LMBRD1: variants seen among roughly 807,000 people sequenced by gnomAD.
LMBRD1 encodes the protein lysosomal cobalamin transport escort protein LMBD1.
LMBRD1 carries 64 observed loss-of-function variants against 74.8 expected under a neutral mutation model. That is an observed-to-expected ratio of 0.86 (90% CI 0.70 to 1.05). LMBRD1 has a LOEUF of 1.05. Ranked by LOEUF, LMBRD1 falls within the 50% of genes least tolerant of loss-of-function variation. The pLI, the probability that LMBRD1 is intolerant of heterozygous loss-of-function variation, is 0.00. For missense variants in LMBRD1, 652 were observed against 645.9 expected, an observed-to-expected ratio of 1.01 and a Z score of -0.10; for synonymous variants, 204 against 216.3, an observed-to-expected ratio of 0.94 and a Z score of 0.50.
chr6:69,689,173 A>G (rs9364048), intron 14 of LMBRD1, among the ~76,000 whole-genome samples: 17,910 of 152,118 alleles, frequency 0.12, 1,704 homozygotes, highest in East Asian at 0.5. Context: ...AAGAAGTTCA[A>G]TCTAAGAATG....
At chr6:69,789,207 C>A (rs1215521903) in intron 2 of LMBRD1, among the ~76,000 whole-genome samples, 1 of 152,128 alleles carries the variant, frequency 6.6e-6, no homozygotes, top group Non-Finnish European at 1.5e-5. Context: ...TTAAACCTAA[C>A]TACAAAAATA....
chr6:69,723,086 G>A (rs1766652148), intron 7 of LMBRD1, among the ~76,000 whole-genome samples: 1 of 152,086 alleles, frequency 6.6e-6, no homozygotes, highest in Admixed American at 6.5e-5. Context: ...AGACAAAGAA[G>A]ATCATTATAT....
At chr6:69,728,321 C>A (rs1027220729) in intron 7 of LMBRD1, among the ~76,000 whole-genome samples, 3 of 152,146 alleles carry the variant, frequency 2.0e-5, no homozygotes, top group Admixed American at 2.0e-4. Flanking sequence ...CGCCGACACT[C>A]GGGATCACAA....
At chr6:69,728,011 A>C (rs1766772671) in intron 7 of LMBRD1, among the ~76,000 whole-genome samples, 1 of 152,198 alleles carries the variant, frequency 6.6e-6, no homozygotes, top group South Asian at 2.1e-4. Context: ...TGCTATAAAG[A>C]ACTACCTGAG....
chr6:69,699,221 G>C (rs1429882835), intron 12 of LMBRD1, 29 bp from the exon 13 acceptor site: 1 of 1,585,858 alleles, frequency 6.3e-7, no homozygotes, highest in East Asian at 2.2e-5. Flanking sequence ...CAAAATTTCA[G>C]CAATATATTT....
At chr6:69,727,501 C>G (rs534201968) in intron 7 of LMBRD1, among the ~76,000 whole-genome samples, 32 of 152,170 alleles carry the variant, frequency 2.1e-4, no homozygotes, top group Non-Finnish European at 4.4e-4. Flanking sequence ...TGTATACTTT[C>G]AAAATGTATA....
rs531752682 is a variant in LMBRD1 at position 69,691,238 on chromosome 6, A to G, written c.1417+6325T>C. 2.9e-5 allele frequency among the ~76,000 whole-genome samples: 4 copies of G among 137,300 alleles called. No homozygotes were observed. In the East Asian group the frequency reaches 6.0e-4, roughly 21 times the overall value. The allele number at this position is 137,300 out of a possible 152,430, so 90.1% of individuals were successfully genotyped here. ...CAAAACACAAAAATGTTAAATGTTGAAAAAAAAAAAACTGGAATCCAGACA... is the reference window on the plus strand; with the variant it reads ...CAAAACACAAAAATGTTAAATGTTGGAAAAAAAAAAACTGGAATCCAGACA... On this transcript the variant is annotated intron_variant, in intron 14 of 15. Transcript: ENST00000649934.
At chr6:69,712,620 A>G (rs1348943554) in intron 9 of LMBRD1, among the ~76,000 whole-genome samples, 1 of 152,150 alleles carries the variant, frequency 6.6e-6, no homozygotes, top group African/African-American at 2.4e-5. Flanking sequence ...GCTAAGTGAA[A>G]TAAGTCAGGC....
chr6:69,682,298 A>T (rs1314207982), intron 14 of LMBRD1, among the ~76,000 whole-genome samples: 3 of 151,916 alleles, frequency 2.0e-5, no homozygotes, highest in Non-Finnish European at 4.4e-5. Flanking sequence ...ATTTTGAAGG[A>T]CACAGTTTTC....
At chr6:69,710,263 C>T (rs1477699498) in intron 9 of LMBRD1, among the ~76,000 whole-genome samples, 1 of 151,614 alleles carries the variant, frequency 6.6e-6, no homozygotes, top group Non-Finnish European at 1.5e-5. Flanking sequence ...AAAGGATAGT[C>T]TTGAAAAAAA....
chr6:69,729,541 A>G (rs1397323494), intron 7 of LMBRD1, among the ~76,000 whole-genome samples: 1 of 152,008 alleles, frequency 6.6e-6, no homozygotes, highest in East Asian at 1.9e-4. Flanking sequence ...AATTTCTCCA[A>G]GAAGATAATA....
chr6:69,752,251 A>G lies in LMBRD1; in HGVS notation c.405+8T>C, dbSNP rs375415974. On this transcript the variant is annotated splice_region_variant and intron_variant, in intron 4 of 15. Coordinates refer to ENST00000649934, the MANE Select transcript of LMBRD1 (RefSeq NM_018368.4). Reference sequence around the variant, plus strand: ...CTAAACTAAGGCCTCTAAAATAAAGATACTTACAGTACATTTACTAGTATC... The same window carrying G: ...CTAAACTAAGGCCTCTAAAATAAAGGTACTTACAGTACATTTACTAGTATC... 257 of 1,606,076 alleles carry G rather than the reference A, an allele frequency of 1.6e-4. No homozygotes were observed. Among genetic ancestry groups the G allele is most frequent in the Non-Finnish European group, 2.0e-4 (239 of 1,173,984 alleles).
At chr6:69,796,659 C>T (rs1418885764) in intron 1 of LMBRD1, among the ~76,000 whole-genome samples, 154 bp downstream of exon 1, 4 of 152,108 alleles carry the variant, frequency 2.6e-5, no homozygotes, top group Non-Finnish European at 5.9e-5. Context: ...GCCGCCCGCC[C>T]AAGCCCCCAA....
At position 69,779,185 on chromosome 6, in the gene LMBRD1, C is replaced by CAA. The variant is rs11397050; in HGVS notation, c.307+1307_307+1308dup. ...TGGGCAACAGGGCGAGACTCAGTCT[C>CAA]AAAAAAAAAAAAAAAACAATTCAAT... On this transcript the variant is annotated intron_variant, in intron 3 of 15. Transcript: ENST00000649934. 4.5e-3 allele frequency among the ~76,000 whole-genome samples: 450 copies of CAA among 99,992 alleles called. 4 individuals carry two copies. Among genetic ancestry groups the CAA allele is most frequent in the African/African-American group, 0.016 (358 of 22,332 alleles). 65.6% of individuals were successfully genotyped at this position (99,992 alleles called of 152,430 possible).
At position 69,697,719 on chromosome 6, in the gene LMBRD1, ACTGTATACT is replaced by A. The variant is rs1766037061; in HGVS notation, c.1339-87_1339-79del. On this transcript the variant is annotated intron_variant, in intron 13 of 15. Transcript: ENST00000649934. ...TGGATTTAAAAAGTAATCACTATGA[ACTGTATACT>A]CTGTATACTAACTACATCTATCTAA... 35 of 846,680 alleles carry A rather than the reference ACTGTATACT, an allele frequency of 4.1e-5. No individual in the cohort carries two copies. The South Asian group carries it at 4.8e-4, about 12-fold the overall frequency. 52.4% of individuals were successfully genotyped at this position (846,680 alleles called of 1,614,324 possible). A position where few individuals can be genotyped will look rare whatever the true frequency, so the allele number is the denominator to read the frequency against.
At chr6:69,718,439 T>G (rs913028531) in intron 8 of LMBRD1, among the ~76,000 whole-genome samples, 1 of 152,176 alleles carries the variant, frequency 6.6e-6, no homozygotes, top group African/African-American at 2.4e-5. Flanking sequence ...TTTAAAAATA[T>G]AGACATGGTT....
chr6:69,756,362 C>CAAAAAAAAAAAAAA (rs57798368), intron 3 of LMBRD1, among the ~76,000 whole-genome samples: 3 of 110,418 alleles, frequency 2.7e-5, no homozygotes, highest in African/African-American at 1.0e-4. Flanking sequence ...GACTCAATCT[C>CAAAAAAAAAAAAAA]AAAAAAAAAA....
chr6:69,704,717 G>T (rs1300218782), intron 9 of LMBRD1, among the ~76,000 whole-genome samples: 2 of 152,014 alleles, frequency 1.3e-5, no homozygotes, highest in Non-Finnish European at 2.9e-5. Flanking sequence ...TACTTTATTA[G>T]TACTAAATTA....
intron 14 of LMBRD1, among the ~76,000 whole-genome samples, chr6:69,690,439 CAA>C (rs920497706): frequency 2.6e-5 from 4 of 152,022 alleles, no homozygotes; most frequent in Non-Finnish European, 4.4e-5. Flanking sequence ...CAAAAAGACT[CAA>C]GAGGAATTAG....
Sources: allele counts gnomAD v4.1 joint callset (sites outside exome capture counted in the v4.1 genomes callset), GRCh38; gene constraint gnomAD v4.1.1; transcripts MANE v1.5; gene names NCBI Gene and HGNC (gene_info 2026-07-23, HGNC 2026-07-21).